The following MSRA variants were observed in gnomAD, a reference collection of about 807,000 sequenced individuals.
The protein encoded by MSRA is mitochondrial peptide methionine sulfoxide reductase.
A neutral mutation model predicts 31.3 loss-of-function variants in MSRA; 54 were observed. That is an observed-to-expected ratio of 1.73 (90% CI 1.39 to 2.17). The LOEUF is 2.17. MSRA is among the 30% of genes most tolerant of loss of function. The probability of loss-of-function intolerance (pLI) is 0.00; values close to 1 mark genes in which losing one functional copy is unlikely to be tolerated. For missense variants in MSRA, 507 were observed against 300.9 expected, an observed-to-expected ratio of 1.69 and a Z score of -5.07; for synonymous variants, 169 against 116.5, an observed-to-expected ratio of 1.45 and a Z score of -2.90.
chr8:10,319,917 C>A lies in MSRA; in HGVS notation c.471C>A (p.Tyr157Ter). The A allele has an allele frequency of 1.3e-6, 2 of 1,598,090 alleles. No individual in the cohort carries two copies. The highest frequency in any genetic ancestry group is 1.7e-6 in the Non-Finnish European group (2 of 1,172,662). ...AGGGGAACGACCATGGCACTCAGTA[C>A]CGCTCGGCCATCTACCCGACCTCTG... ...MRQGNDHGTQ[Y>*]RSAIYPTSAK... Residue 157 changes from tyrosine (Y) to a stop codon, truncating the protein, a stop_gained, in exon 5 of 6, where the codon TAC becomes TAA. Transcript: ENST00000317173. LOFTEE classifies it high-confidence loss of function.
chr8:10,354,359 A>G (rs1456120912), intron 5 of MSRA, among the ~76,000 whole-genome samples: 1 of 152,220 alleles, frequency 6.6e-6, no homozygotes, highest in Non-Finnish European at 1.5e-5. Flanking sequence ...GAACACACAA[A>G]TGCGAGGACA....
Position 10,265,263 on chromosome 8 carries a change from C to G in MSRA, c.331+20040C>G, listed in dbSNP as rs141811529. Among the ~76,000 whole-genome samples, 502 of 152,234 alleles carry G rather than the reference C, an allele frequency of 3.3e-3. 3 individuals carry two copies. Among genetic ancestry groups the G allele is most frequent in the African/African-American group, 0.012 (479 of 41,548 alleles). Reference sequence around the variant, plus strand: ...GGAGAGAAGAGGGAGGCAGAGGACACAGTCCAGCCTGGAGCAGACATGGAG... The same window carrying G: ...GGAGAGAAGAGGGAGGCAGAGGACAGAGTCCAGCCTGGAGCAGACATGGAG... On this transcript the variant is annotated intron_variant, in intron 3 of 5. Coordinates refer to ENST00000317173, the MANE Select transcript of MSRA (RefSeq NM_012331.5).
At chr8:10,350,315 G>C (rs73662820) in intron 5 of MSRA, among the ~76,000 whole-genome samples, 1,708 of 152,318 alleles carry the variant, frequency 0.011, 28 homozygotes, top group African/African-American at 0.038. Flanking sequence ...TTCACAGCTT[G>C]CACTAGCCAT....
At chr8:10,085,946 G>A (rs1798538634) in intron 1 of MSRA, among the ~76,000 whole-genome samples, 1 of 152,150 alleles carries the variant, frequency 6.6e-6, no homozygotes, top group Admixed American at 6.5e-5. Flanking sequence ...TTCCTTAGTG[G>A]CAGCAGATAG....
intron 2 of MSRA, among the ~76,000 whole-genome samples, chr8:10,228,955 A>T (rs1421767345): frequency 4.6e-5 from 7 of 152,108 alleles, no homozygotes; most frequent in Non-Finnish European, 1.0e-4. Context: ...AATTTTATTT[A>T]CTCACTGATC....
chr8:10,359,729 G>C (rs1259075530), intron 5 of MSRA, among the ~76,000 whole-genome samples: 1 of 151,978 alleles, frequency 6.6e-6, no homozygotes, highest in East Asian at 1.9e-4. Context: ...GATGGTCTCA[G>C]ATGGAGGACG....
intron 5 of MSRA, among the ~76,000 whole-genome samples, chr8:10,380,811 G>A (rs907928444): frequency 6.6e-6 from 1 of 151,758 alleles, no homozygotes; most frequent in African/African-American, 2.4e-5. Flanking sequence ...GATGGATGGA[G>A]GGTTGGGTGG....
At chr8:10,356,304 A>G (rs193299718) in intron 5 of MSRA, among the ~76,000 whole-genome samples, 36 of 152,366 alleles carry the variant, frequency 2.4e-4, no homozygotes, top group Non-Finnish European at 4.7e-4. Context: ...AAAAAAAGAC[A>G]GATACAGAAA....
At chr8:10,344,222 G>A (rs1803625033) in intron 5 of MSRA, among the ~76,000 whole-genome samples, 1 of 152,040 alleles carries the variant, frequency 6.6e-6, no homozygotes, top group Non-Finnish European at 1.5e-5. Context: ...TTGACTCTCT[G>A]GTCTTCCTTC....
At chr8:10,236,941 T>A (rs1811994583) in intron 2 of MSRA, among the ~76,000 whole-genome samples, 2 of 152,230 alleles carry the variant, frequency 1.3e-5, no homozygotes, top group Admixed American at 1.3e-4. Context: ...ATGTTATTGT[T>A]TTCATAGTAG....
intron 4 of MSRA, among the ~76,000 whole-genome samples, chr8:10,309,120 C>G (rs1801296281): frequency 1.3e-5 from 2 of 152,246 alleles, no homozygotes; most frequent in Non-Finnish European, 2.9e-5. Context: ...CCATGAACTT[C>G]TGTACTATCA....
chr8:10,421,655 A>G (rs1808817771), intron 5 of MSRA, among the ~76,000 whole-genome samples: 1 of 152,166 alleles, frequency 6.6e-6, no homozygotes, highest in African/African-American at 2.4e-5. Flanking sequence ...TGGCCGCCCT[A>G]GAAGGACGGA....
At chr8:10,096,323 G>A in intron 1 of MSRA, 1 of 1,076,668 alleles carries the variant, frequency 9.3e-7, no homozygotes, top group Non-Finnish European at 1.1e-6. Context: ...AGAAATGTGA[G>A]CTTGGTCATT....
chr8:10,424,346 T>C (rs553019429), intron 5 of MSRA, among the ~76,000 whole-genome samples: 1 of 150,594 alleles, frequency 6.6e-6, no homozygotes, highest in East Asian at 2.0e-4. Context: ...GAGAAGGGCC[T>C]GGGGTGGAGC....
chr8:10,265,712 C>G (rs1031185661), intron 3 of MSRA, among the ~76,000 whole-genome samples: 1 of 152,196 alleles, frequency 6.6e-6, no homozygotes, highest in African/African-American at 2.4e-5. Flanking sequence ...ATGAGCAGAT[C>G]CATTCCCCAA....
chr8:10,056,208 A>AAAC lies in MSRA; in HGVS notation c.142+1552_142+1553insCAA, dbSNP rs1554532494. On this transcript the variant is annotated intron_variant, in intron 1 of 5. Coordinates refer to ENST00000317173, the MANE Select transcript of MSRA (RefSeq NM_012331.5). ...TGCCCTCCCATACACCAAAAAAAAA[A>AAAC]AAAAAAAAAAAAACCCCAAATAATC... is the stretch of plus-strand genomic sequence containing the variant. Among the ~76,000 whole-genome samples the AAAC allele has an allele frequency of 3.2e-4, 42 of 130,566 alleles. 1 individual carries two copies. The highest frequency in any genetic ancestry group is 1.2e-3 in the South Asian group (5 of 4,294). The allele number at this position is 130,566 out of a possible 152,430, so 85.7% of individuals were successfully genotyped here.
At chr8:10,069,759 T>C (rs895218875) in intron 1 of MSRA, among the ~76,000 whole-genome samples, 17 of 152,188 alleles carry the variant, frequency 1.1e-4, no homozygotes, top group Admixed American at 9.8e-4. Flanking sequence ...GAATTCAATT[T>C]CAACACCTGA....
intron 1 of MSRA, among the ~76,000 whole-genome samples, chr8:10,185,075 C>G (rs1316802086): frequency 6.6e-6 from 1 of 152,134 alleles, no homozygotes; most frequent in Non-Finnish European, 1.5e-5. Flanking sequence ...CAACATTTAC[C>G]ATGAAATCCT....
At chr8:10,390,809 AC>A (rs1479267866) in intron 5 of MSRA, among the ~76,000 whole-genome samples, 1 of 152,086 alleles carries the variant, frequency 6.6e-6, no homozygotes, top group Non-Finnish European at 1.5e-5. Context: ...CCCTGTCTCT[AC>A]TAAAAATAAA....
Sources: allele counts gnomAD v4.1 joint callset (sites outside exome capture counted in the v4.1 genomes callset), GRCh38; gene constraint gnomAD v4.1.1; transcripts MANE v1.5; gene names NCBI Gene and HGNC (gene_info 2026-07-23, HGNC 2026-07-21).